The following UHRF2 variants were observed in gnomAD, a reference collection of about 807,000 sequenced individuals.
UHRF2 encodes E3 ubiquitin-protein ligase UHRF2.
In UHRF2, 23 loss-of-function variants were observed where a neutral mutation model predicts 96.8. The observed-to-expected ratio is 0.24, with a 90% confidence interval of 0.17 to 0.34. The LOEUF is 0.34. Among genes scored for constraint, UHRF2 ranks in the 10% least tolerant of loss-of-function variants. UHRF2 has a pLI of 1.00. For synonymous variants in UHRF2, 385 were observed against 332.6 expected (o/e 1.16, Z -1.72); for missense variants, 685 against 981.5 (o/e 0.70, Z 4.04).
chr9:6,441,925 T>C (rs1439032291), intron 3 of UHRF2, among the ~76,000 whole-genome samples: 1 of 152,154 alleles, frequency 6.6e-6, no homozygotes, highest in Non-Finnish European at 1.5e-5. Flanking sequence ...ATGGGGAAAT[T>C]TGTCTGTTAA....
chr9:6,489,674 C>G (rs1262179712), intron 9 of UHRF2, among the ~76,000 whole-genome samples: 4 of 149,312 alleles, frequency 2.7e-5, no homozygotes, highest in Non-Finnish European at 5.9e-5. Context: ...TCTGTATAGC[C>G]TCTTTAGTAG....
At chr9:6,436,635 G>T (rs969369433) in intron 3 of UHRF2, among the ~76,000 whole-genome samples, 2 of 152,108 alleles carry the variant, frequency 1.3e-5, no homozygotes, top group African/African-American at 4.8e-5. Flanking sequence ...GTGAACTAAG[G>T]CTTATTAAAT....
chr9:6,489,414 T>C (rs1824516577), intron 9 of UHRF2, among the ~76,000 whole-genome samples: 1 of 152,204 alleles, frequency 6.6e-6, no homozygotes, highest in African/African-American at 2.4e-5. Flanking sequence ...CTTTATTTCT[T>C]TGGAATAAAT....
intron 3 of UHRF2, among the ~76,000 whole-genome samples, chr9:6,451,363 C>G (rs950349725): frequency 6.6e-6 from 1 of 152,034 alleles, no homozygotes; most frequent in Non-Finnish European, 1.5e-5. Flanking sequence ...TTATGTGACA[C>G]ATTACATAGT....
rs879450174 is a variant in UHRF2 at position 6,492,307 on chromosome 9, CAG to C, written c.1498-1516_1498-1515del. On this transcript the variant is annotated intron_variant, in intron 9 of 15. Transcript: ENST00000276893. ...CTCCCATAATAACTTGAAAAGTTGA[CAG>C]AGTTATGAATATGAATATTGTGGAG... The C allele has an allele frequency of 2.1e-5, 26 of 1,252,566 alleles. No homozygotes were observed. The Admixed American group carries it at 4.9e-4, about 24-fold the overall frequency. The allele number at this position is 1,252,566 out of a possible 1,614,324, so 77.6% of individuals were successfully genotyped here.
intron 4 of UHRF2, among the ~76,000 whole-genome samples, chr9:6,462,103 C>G (rs1822578585): frequency 6.6e-6 from 1 of 151,958 alleles, no homozygotes; most frequent in Non-Finnish European, 1.5e-5. Context: ...GATTAAAAAT[C>G]TAAAGCGAGG....
Position 6,469,705 on chromosome 9 carries a change from C to T in UHRF2, c.864-5686C>T, listed in dbSNP as rs7851003. ...GTATATATATACACGTATATACATA[C>T]ATATACACACATATATGTGCATATA... On this transcript the variant is annotated intron_variant, in intron 4 of 15. Coordinates refer to ENST00000276893, the MANE Select transcript of UHRF2 (RefSeq NM_152896.3). Among the ~76,000 whole-genome samples, 511 of 147,694 alleles carry T rather than the reference C, an allele frequency of 3.5e-3. 5 individuals are homozygous for T. Among genetic ancestry groups the T allele is most frequent in the African/African-American group, 9.1e-3 (362 of 39,730 alleles).
At chr9:6,446,480 C>G (rs1821512939) in intron 3 of UHRF2, among the ~76,000 whole-genome samples, 1 of 151,874 alleles carries the variant, frequency 6.6e-6, no homozygotes, top group South Asian at 2.1e-4. Context: ...AGGGTTTCGC[C>G]ATGTTGCCCA....
intron 3 of UHRF2, among the ~76,000 whole-genome samples, chr9:6,439,422 G>A (rs1354224963): frequency 6.6e-6 from 1 of 152,144 alleles, no homozygotes; most frequent in Non-Finnish European, 1.5e-5. Flanking sequence ...CTCAGTTTTG[G>A]GATTACAGGC....
intron 14 of UHRF2, among the ~76,000 whole-genome samples, chr9:6,504,160 G>A (rs1483561481): frequency 6.6e-6 from 1 of 151,488 alleles, no homozygotes; most frequent in African/African-American, 2.4e-5. Context: ...CCAGCAGCTG[G>A]GACTACAGGC....
intron 3 of UHRF2, among the ~76,000 whole-genome samples, chr9:6,450,385 C>T (rs1187052080): frequency 7.0e-6 from 1 of 143,702 alleles, no homozygotes; most frequent in Non-Finnish European, 1.5e-5. Context: ...GATCACATTC[C>T]TGTAGTGATA....
In UHRF2 at chr9:6,435,989, G is replaced by A. The variant is rs1169839706; in HGVS notation, c.644+1816G>A. On this transcript the variant is annotated intron_variant, in intron 3 of 15. Transcript: ENST00000276893. Reference sequence around the variant, plus strand: ...GTTTAGATTCTGACAGTAAACTATTGTCTTTATCCATTTAAAAAATTGTAG... The same window carrying A: ...GTTTAGATTCTGACAGTAAACTATTATCTTTATCCATTTAAAAAATTGTAG... Among the ~76,000 whole-genome samples, 7 of 152,122 alleles carry A rather than the reference G, an allele frequency of 4.6e-5. No individual in the cohort carries two copies. The East Asian group carries it at 1.3e-3, about 29-fold the overall frequency.
intron 1 of UHRF2, chr9:6,414,093 C>G (rs1219033638): frequency 1.3e-5 from 2 of 154,308 alleles, no homozygotes; most frequent in Non-Finnish European, 2.9e-5. Context: ...TCTTCCGCGT[C>G]TTCGGCTCTC....
chr9:6,478,052 T>G (rs983481831), intron 6 of UHRF2, among the ~76,000 whole-genome samples: 5 of 152,216 alleles, frequency 3.3e-5, no homozygotes, highest in African/African-American at 1.2e-4. Context: ...CATTCAAAAA[T>G]GCAAATCTGA....
intron 3 of UHRF2, among the ~76,000 whole-genome samples, chr9:6,455,181 C>T (rs1220100061): frequency 1.3e-5 from 2 of 152,106 alleles, no homozygotes; most frequent in African/African-American, 4.8e-5. Flanking sequence ...GGTGCATGTG[C>T]ACAACGAGCT....
Position 6,489,762 on chromosome 9 carries a change from T to C in UHRF2, c.1497+2837T>C, listed in dbSNP as rs569386701. Among the ~76,000 whole-genome samples, 25 of 150,992 alleles carry C rather than the reference T, an allele frequency of 1.7e-4. No homozygotes were observed. The South Asian group carries it at 4.8e-3, about 29-fold the overall frequency. On this transcript the variant is annotated intron_variant, in intron 9 of 15. Transcript: ENST00000276893. ...TTTTTTTTTTACCATTCATCAGATA[T>C]GTGGTCTTCAGGTATTTACTTGCTT...
chr9:6,418,970 C>G (rs1414878513), intron 1 of UHRF2, among the ~76,000 whole-genome samples: 1 of 152,176 alleles, frequency 6.6e-6, no homozygotes, highest in Non-Finnish European at 1.5e-5. Flanking sequence ...TCACTCCAGT[C>G]ACATGGCTGC....
intron 2 of UHRF2, among the ~76,000 whole-genome samples, chr9:6,428,758 A>C (rs1820406104): frequency 6.6e-6 from 1 of 152,080 alleles, no homozygotes. Context: ...TATGTTGTCC[A>C]GGCTGGTCTT....
At chr9:6,431,935 C>T (rs1262595570) in intron 2 of UHRF2, among the ~76,000 whole-genome samples, 3 of 152,154 alleles carry the variant, frequency 2.0e-5, no homozygotes, top group African/African-American at 7.2e-5. Context: ...ATATATGAAA[C>T]TTACATTTTG....
Sources: allele counts gnomAD v4.1 joint callset (sites outside exome capture counted in the v4.1 genomes callset), GRCh38; gene constraint gnomAD v4.1.1; transcripts MANE v1.5; gene names NCBI Gene and HGNC (gene_info 2026-07-23, HGNC 2026-07-21).